Variants in ADAM19 observed in about 807,000 individuals in gnomAD.
ADAM19 encodes ADAM metallopeptidase domain 19, also known as disintegrin and metalloproteinase domain-containing protein 19.
ADAM19 carries 65 observed loss-of-function variants against 114.7 expected under a neutral mutation model. The observed-to-expected ratio is 0.57, with a 90% CI of 0.46 to 0.70. ADAM19 has a LOEUF of 0.70. ADAM19 is among the 30% of genes least tolerant of loss of function. The pLI is 0.00. For synonymous variants in ADAM19, 466 were observed against 460.5 expected, an observed-to-expected ratio of 1.01 and a Z score of -0.15; for missense variants, 1,063 against 1,204.7, an observed-to-expected ratio of 0.88 and a Z score of 1.74.
At chr5:157,533,602 G>A (rs963775037) in intron 4 of ADAM19, among the ~76,000 whole-genome samples, 2 of 152,172 alleles carry the variant, frequency 1.3e-5, no homozygotes, top group Non-Finnish European at 2.9e-5. Flanking sequence ...GGGGCTCAGA[G>A]AAGTTGGAAT....
At chr5:157,519,740 C>T in intron 6 of ADAM19, 99 bp downstream of exon 6, 4 of 1,144,320 alleles carry the variant, frequency 3.5e-6, no homozygotes, top group South Asian at 1.7e-5. Context: ...TTAGGCATCA[C>T]CTTCAATTTA....
chr5:157,485,861 A>G (rs1049581926), intron 21 of ADAM19, among the ~76,000 whole-genome samples: 9 of 152,128 alleles, frequency 5.9e-5, no homozygotes, highest in Non-Finnish European at 1.3e-4. Flanking sequence ...TCTTCTGAGC[A>G]CCCTGAGCCT....
intron 5 of ADAM19, among the ~76,000 whole-genome samples, chr5:157,524,106 G>A (rs1457708977): frequency 6.6e-6 from 1 of 152,252 alleles, no homozygotes; most frequent in African/African-American, 2.4e-5. Flanking sequence ...CTGCAGCTTT[G>A]TTGCTGGGGG....
At chr5:157,522,007 G>A (rs893017169) in intron 5 of ADAM19, among the ~76,000 whole-genome samples, 7 of 152,192 alleles carry the variant, frequency 4.6e-5, no homozygotes, top group African/African-American at 9.7e-5. Flanking sequence ...TTCACAAGGC[G>A]CAACTGATCT....
intron 2 of ADAM19, chr5:157,568,305 A>G (rs1196320199): frequency 2.0e-5 from 3 of 152,238 alleles, no homozygotes; most frequent in African/African-American, 7.2e-5. Flanking sequence ...TATGTGGGTG[A>G]TCCAAAAATA....
chr5:157,491,013 G>A (rs971658108), intron 18 of ADAM19, among the ~76,000 whole-genome samples: 4 of 151,904 alleles, frequency 2.6e-5, no homozygotes, highest in African/African-American at 9.7e-5. Context: ...CTCTCAAGTG[G>A]TTAATGTAAA....
At chr5:157,548,975 C>G (rs1303431206) in intron 3 of ADAM19, among the ~76,000 whole-genome samples, 1 of 152,180 alleles carries the variant, frequency 6.6e-6, no homozygotes, top group East Asian at 1.9e-4. Context: ...CCTTGCATCT[C>G]AGGAGGCTTC....
chr5:157,487,920 A>G (rs11466807), intron 21 of ADAM19, among the ~76,000 whole-genome samples: 7,361 of 152,150 alleles, frequency 0.048, 242 homozygotes, highest in Middle Eastern at 0.082. Flanking sequence ...CACCAAGGAG[A>G]GAAGGAGCGT....
chr5:157,524,484 G>A (rs944060049), intron 5 of ADAM19, among the ~76,000 whole-genome samples: 2 of 152,218 alleles, frequency 1.3e-5, no homozygotes, highest in Non-Finnish European at 2.9e-5. Context: ...CAAGGAACTA[G>A]GCCAACAACT....
chr5:157,544,031 A>G (rs1244851955), intron 3 of ADAM19, among the ~76,000 whole-genome samples: 4 of 152,220 alleles, frequency 2.6e-5, no homozygotes, highest in African/African-American at 7.2e-5. Context: ...AAACAAACCA[A>G]CGTGCCAAAG....
At chr5:157,501,230 C>G (rs952373291) in intron 12 of ADAM19, among the ~76,000 whole-genome samples, 1 of 152,102 alleles carries the variant, frequency 6.6e-6, no homozygotes, top group Non-Finnish European at 1.5e-5. Context: ...GGCACAGGCT[C>G]CCCTTCCACC....
intron 3 of ADAM19, among the ~76,000 whole-genome samples, chr5:157,562,502 T>G (rs1349701086): frequency 6.6e-6 from 1 of 152,148 alleles, no homozygotes; most frequent in East Asian, 1.9e-4. Context: ...TTCACCTCAT[T>G]TATCCTCACA....
chr5:157,500,148 C>T (rs1185855095), intron 12 of ADAM19, among the ~76,000 whole-genome samples: 1 of 152,064 alleles, frequency 6.6e-6, no homozygotes, highest in Non-Finnish European at 1.5e-5. Context: ...GTCACAAGAA[C>T]CATATATATG....
intron 5 of ADAM19, among the ~76,000 whole-genome samples, chr5:157,522,539 A>C (rs538594925): frequency 9.0e-4 from 137 of 152,294 alleles, no homozygotes; most frequent in African/African-American, 3.1e-3. Context: ...TAATCCCAGC[A>C]CTTTGGGAGG....
At position 157,527,903 on chromosome 5, in the gene ADAM19, A is replaced by G. The variant is rs554509247; in HGVS notation, c.407+2904T>C. On this transcript the variant is annotated intron_variant, in intron 5 of 22. Transcript: ENST00000257527. The stretch of plus-strand genomic sequence containing the variant: ...AAAGTAACCTAAAGAACTGCTTTGA[A>G]GAGAAGAGGGGGCCTAGCAACCACC... Among the ~76,000 whole-genome samples the G allele has an allele frequency of 1.7e-4, 26 of 152,302 alleles. 1 individual carries two copies. The highest frequency in any genetic ancestry group is 6.3e-4 in the African/African-American group (26 of 41,562).
At chr5:157,558,792 T>C (rs1036932422) in intron 3 of ADAM19, among the ~76,000 whole-genome samples, 1 of 152,218 alleles carries the variant, frequency 6.6e-6, no homozygotes, top group Non-Finnish European at 1.5e-5. Context: ...GAATAAGAGA[T>C]GGCAACTAAT....
intron 2 of ADAM19, chr5:157,570,414 T>G (rs1168411058): frequency 6.5e-6 from 1 of 153,046 alleles, no homozygotes; most frequent in Non-Finnish European, 1.5e-5. Context: ...TGTGTTTTCC[T>G]GGTGTTCTGG....
chr5:157,520,266 C>T (rs1430077326), intron 5 of ADAM19, among the ~76,000 whole-genome samples: 3 of 151,738 alleles, frequency 2.0e-5, no homozygotes, highest in Non-Finnish European at 4.4e-5. Flanking sequence ...GCACTTGGAC[C>T]TCCACCCCAA....
intron 3 of ADAM19, among the ~76,000 whole-genome samples, chr5:157,544,776 G>A (rs891861799): frequency 2.6e-5 from 4 of 152,212 alleles, no homozygotes; most frequent in African/African-American, 4.8e-5. Flanking sequence ...ATCTAAAAGC[G>A]AAAATGGTGA....
Sources: gnomAD v4.1 joint callset for allele counts (sites outside exome capture counted in the v4.1 genomes callset) on GRCh38, gnomAD v4.1.1 for gene constraint, MANE v1.5 for transcripts, NCBI Gene and HGNC (gene_info 2026-07-23, HGNC 2026-07-21) for gene names.